Variants in AGBL1 observed in about 807,000 individuals in gnomAD.
The protein encoded by AGBL1 is cytosolic carboxypeptidase 4.
In AGBL1, 130 loss-of-function variants were observed where a neutral mutation model predicts 118.9. The ratio of observed to expected loss-of-function variants is 1.09; its 90% CI spans 0.95 to 1.26. The LOEUF is 1.26. Ranked by LOEUF, AGBL1 falls within the 50% of genes most tolerant of loss-of-function variation. The pLI is 0.00. For missense variants in AGBL1, 1,584 were observed against 1,298.1 expected (o/e 1.22, Z -3.38); for synonymous variants, 555 against 478.9 (o/e 1.16, Z -2.08).
chr15:86,429,583 A>C (rs1037482729), intron 18 of AGBL1, among the ~76,000 whole-genome samples: 22 of 152,170 alleles, frequency 1.4e-4, no homozygotes, highest in Non-Finnish European at 3.1e-4. Flanking sequence ...CCGTAACTTC[A>C]ATTCATCTCT....
intron 21 of AGBL1, among the ~76,000 whole-genome samples, chr15:86,645,999 G>A (rs752228023): frequency 1.8e-4 from 27 of 152,088 alleles, no homozygotes; most frequent in Non-Finnish European, 2.6e-4. Context: ...GGCTTGAGTC[G>A]GGAATATTTT....
chr15:86,134,297 AT>A (rs1043101662), intron 1 of AGBL1, among the ~76,000 whole-genome samples: 5 of 152,166 alleles, frequency 3.3e-5, no homozygotes, highest in African/African-American at 1.2e-4. Flanking sequence ...GAACAAATTT[AT>A]TTTTGGCAAT....
At chr15:86,602,398 C>T (rs1173429597) in intron 21 of AGBL1, among the ~76,000 whole-genome samples, 1 of 152,064 alleles carries the variant, frequency 6.6e-6, no homozygotes, top group Non-Finnish European at 1.5e-5. Context: ...GTATGCTCAC[C>T]AAGTAACAAT....
intron 22 of AGBL1, among the ~76,000 whole-genome samples, chr15:86,703,963 C>G (rs768652859): frequency 6.6e-6 from 1 of 152,072 alleles, no homozygotes; most frequent in East Asian, 1.9e-4. Context: ...TGGAATAGAA[C>G]AGAGACCTCA....
chr15:86,463,243 G>A lies in AGBL1; in HGVS notation c.2556-59567G>A, dbSNP rs1257793594. ...TTGCTGCATAAATGTCTTATTTTGA[G>A]AAGTGTCTGTTCATATCCTTTGCCC... is the stretch of plus-strand genomic sequence containing the variant. On this transcript the variant is annotated intron_variant, in intron 18 of 22. Transcript: ENST00000614907. Among the ~76,000 whole-genome samples the A allele has an allele frequency of 3.3e-5, 5 of 151,240 alleles. No homozygotes were observed. In the East Asian group the frequency reaches 7.7e-4, roughly 23 times the overall value.
At chr15:86,966,671 C>T (rs1292658382) in intron 23 of AGBL1, among the ~76,000 whole-genome samples, 4 of 152,076 alleles carry the variant, frequency 2.6e-5, no homozygotes, top group Non-Finnish European at 4.4e-5. Flanking sequence ...TTTTTTATGG[C>T]TGCATAGTAT....
intron 22 of AGBL1, among the ~76,000 whole-genome samples, chr15:86,739,981 C>A (rs901080726): frequency 6.6e-6 from 1 of 152,192 alleles, no homozygotes; most frequent in African/African-American, 2.4e-5. Context: ...CCCCTTTCAC[C>A]TTTAAAGCCT....
At chr15:86,496,824 C>T (rs1422265143) in intron 18 of AGBL1, among the ~76,000 whole-genome samples, 2 of 151,872 alleles carry the variant, frequency 1.3e-5, no homozygotes, top group Non-Finnish European at 2.9e-5. Flanking sequence ...AGAAATAAAA[C>T]ATTTCCAGTA....
At chr15:86,303,961 G>A (rs1466969819) in intron 17 of AGBL1, among the ~76,000 whole-genome samples, 1 of 152,102 alleles carries the variant, frequency 6.6e-6, no homozygotes, top group Non-Finnish European at 1.5e-5. Context: ...GGTAGAGCTT[G>A]GATTTGAACC....
At chr15:86,246,058 AT>A (rs1193970368) in intron 6 of AGBL1, among the ~76,000 whole-genome samples, 2 of 151,696 alleles carry the variant, frequency 1.3e-5, no homozygotes, top group African/African-American at 2.4e-5. Context: ...GCTTATTTTT[AT>A]TTTTTGTGGA....
At chr15:86,918,070 G>A (rs2080446555), downstream of AGBL1, among the ~76,000 whole-genome samples, 2 of 152,154 alleles carry the variant, frequency 1.3e-5, no homozygotes, top group Admixed American at 6.5e-5. Flanking sequence ...GAATTCAGCA[G>A]AAGCAAGAAA....
At chr15:86,328,995 T>C (rs1428487206) in intron 17 of AGBL1, among the ~76,000 whole-genome samples, 1 of 152,190 alleles carries the variant, frequency 6.6e-6, no homozygotes, top group Non-Finnish European at 1.5e-5. Flanking sequence ...GGGACATCCA[T>C]AGCCAGAACT....
At chr15:86,779,097 C>G (rs949039602) in intron 22 of AGBL1, among the ~76,000 whole-genome samples, 1 of 151,700 alleles carries the variant, frequency 6.6e-6, no homozygotes, top group African/African-American at 2.4e-5. Flanking sequence ...CTGGTGTCTC[C>G]TTTTGCTCTT....
rs2079036448 is a variant in AGBL1 at position 86,264,270 on chromosome 15, A to G, written c.1099A>G (p.Lys367Glu). 1.9e-6 allele frequency: 3 copies of G among 1,596,850 alleles called. No homozygotes were observed. Among genetic ancestry groups the G allele is most frequent in the African/African-American group, 2.7e-5 (2 of 74,604 alleles). The change falls in exon 11 of 23, where the codon AAA becomes GAA. Residue 367 changes from lysine (K) to glutamate (E), a missense_variant. Lys to Glu is a moderately conservative substitution (Grantham distance 56). Transcript: ENST00000614907. ...TTTGAACCTGAAGGAACTGCAGTCC[A>G]AACTTGGAGATGATTTGAACTCTGA... ...LSYSFEELQS[K>E]LGDDLNSEKT...
chr15:86,130,648 C>G (rs969519930), intron 1 of AGBL1, among the ~76,000 whole-genome samples: 1 of 152,146 alleles, frequency 6.6e-6, no homozygotes, highest in African/African-American at 2.4e-5. Context: ...AGTTTAAATG[C>G]TTGGTATAGA....
intron 1 of AGBL1, among the ~76,000 whole-genome samples, chr15:86,117,767 C>T (rs1235779323): frequency 6.6e-6 from 1 of 152,120 alleles, no homozygotes; most frequent in African/African-American, 2.4e-5. Flanking sequence ...AAAGTAACAA[C>T]AACAACTAAG....
chr15:86,496,219 C>G (rs189666912), intron 18 of AGBL1, among the ~76,000 whole-genome samples: 156 of 152,078 alleles, frequency 1.0e-3, no homozygotes, highest in African/African-American at 3.6e-3. Context: ...GACAGTTCCT[C>G]CTTCACACTT....
At chr15:86,707,844 A>G (rs547464624) in intron 22 of AGBL1, among the ~76,000 whole-genome samples, 1 of 152,194 alleles carries the variant, frequency 6.6e-6, no homozygotes, top group East Asian at 1.9e-4. Context: ...GGAGATAGAT[A>G]TATGTTAACC....
Position 86,262,378 on chromosome 15 carries a change from T to G in AGBL1, c.970-400T>G, listed in dbSNP as rs920421526. Among the ~76,000 whole-genome samples the G allele has an allele frequency of 4.6e-5, 7 of 152,194 alleles. No homozygotes were observed. The East Asian group carries it at 1.4e-3, about 29-fold the overall frequency. On this transcript the variant is annotated intron_variant, in intron 9 of 22. Transcript: ENST00000614907. The stretch of plus-strand genomic sequence containing the variant: ...AGTACCTGCTCACAGTCGGTGCTGA[T>G]TAAATGTTTGTGAAAAGACTGACAA...
Sources: allele counts gnomAD v4.1 joint callset (sites outside exome capture counted in the v4.1 genomes callset), GRCh38; gene constraint gnomAD v4.1.1; transcripts MANE v1.5; gene names NCBI Gene and HGNC (gene_info 2026-07-23, HGNC 2026-07-21).